UBR3: variants seen among roughly 807,000 people sequenced by gnomAD.
UBR3 encodes the protein ubiquitin protein ligase E3 component n-recognin 3.
UBR3 carries 85 observed loss-of-function variants against 243.2 expected under a neutral mutation model. The ratio of observed to expected loss-of-function variants is 0.35; its 90% CI spans 0.29 to 0.42. The LOEUF (loss-of-function observed/expected upper bound fraction) is 0.42. Among genes scored for constraint, UBR3 ranks in the 10% least tolerant of loss-of-function variants. The pLI is 1.00. For synonymous variants in UBR3, 748 were observed against 799.8 expected, an observed-to-expected ratio of 0.94 and a Z score of 1.09; for missense variants, 1,686 against 2,300.8, an observed-to-expected ratio of 0.73 and a Z score of 5.47.
chr2:169,869,056 C>T (rs368589150), intron 1 of UBR3, among the ~76,000 whole-genome samples: 25 of 151,842 alleles, frequency 1.6e-4, no homozygotes, highest in Admixed American at 8.5e-4. Context: ...ATCTCCCGTA[C>T]GTCTTGTAAA....
At position 169,951,602 on chromosome 2, in the gene UBR3, C is replaced by T. The variant is rs16857322; in HGVS notation, c.3545+1537C>T. On this transcript the variant is annotated intron_variant, in intron 23 of 38. Coordinates refer to ENST00000272793, the MANE Select transcript of UBR3 (RefSeq NM_172070.4). ...TAAGGCTAAGAAGGTAACCATGTATCGTTAACTCGCACAGGGTATAAATGG... is the reference window on the plus strand; with the variant it reads ...TAAGGCTAAGAAGGTAACCATGTATTGTTAACTCGCACAGGGTATAAATGG... 9.1e-3 allele frequency among the ~76,000 whole-genome samples: 1,389 copies of T among 152,086 alleles called. 26 individuals carry two copies. The highest frequency in any genetic ancestry group is 0.032 in the African/African-American group (1,308 of 41,486).
intron 32 of UBR3, among the ~76,000 whole-genome samples, chr2:170,044,366 T>C (rs1273880803): frequency 6.6e-6 from 1 of 152,170 alleles, no homozygotes; most frequent in African/African-American, 2.4e-5. Context: ...CTTAAATCTT[T>C]TAATGCTTAG....
intron 10 of UBR3, among the ~76,000 whole-genome samples, chr2:169,908,428 A>G (rs1051494424): frequency 6.6e-6 from 1 of 152,120 alleles, no homozygotes; most frequent in Non-Finnish European, 1.5e-5. Context: ...ACCTTGTTTA[A>G]TTTCCACTGT....
intron 1 of UBR3, among the ~76,000 whole-genome samples, chr2:169,831,135 T>A (rs1307126170): frequency 0.033 from 2,753 of 82,716 alleles, 129 homozygotes; most frequent in Non-Finnish European, 0.051. Context: ...ATATTTTTTT[T>A]TTTTTTTTTT....
chr2:169,938,680 G>A (rs147621490), intron 19 of UBR3, among the ~76,000 whole-genome samples: 274 of 152,012 alleles, frequency 1.8e-3, no homozygotes, highest in African/African-American at 6.2e-3. Flanking sequence ...TTTCCTGTTT[G>A]TTGCCTAAAT....
chr2:170,060,909 T>G (rs2091443510), intron 33 of UBR3, among the ~76,000 whole-genome samples, 170 bp from the exon 34 acceptor site: 1 of 152,186 alleles, frequency 6.6e-6, no homozygotes, highest in Admixed American at 6.5e-5. Flanking sequence ...CTACCCAGTT[T>G]CATTGTGAAT....
intron 32 of UBR3, among the ~76,000 whole-genome samples, chr2:170,051,660 A>G (rs893056808): frequency 1.3e-5 from 2 of 152,132 alleles, no homozygotes; most frequent in African/African-American, 4.8e-5. Context: ...ACTTCTTTTT[A>G]GTAAAAGAAA....
At chr2:169,983,289 C>T (rs925189242) in intron 24 of UBR3, among the ~76,000 whole-genome samples, 21 of 127,760 alleles carry the variant, frequency 1.6e-4, no homozygotes, top group Middle Eastern at 8.6e-3. Context: ...TGGAGTCTCA[C>T]TCATTCTGTC....
chr2:169,882,244 A>G (rs2083905138), intron 5 of UBR3, among the ~76,000 whole-genome samples: 1 of 134,564 alleles, frequency 7.4e-6, no homozygotes, highest in Non-Finnish European at 1.5e-5. Flanking sequence ...TTTATATTGT[A>G]TATGTATATA....
intron 24 of UBR3, among the ~76,000 whole-genome samples, chr2:169,982,041 T>C (rs951597426): frequency 6.6e-6 from 1 of 152,208 alleles, no homozygotes; most frequent in Non-Finnish European, 1.5e-5. Context: ...TTATGAATAG[T>C]AACTCACCTG....
At chr2:169,980,108 G>A (rs1234582937) in intron 24 of UBR3, among the ~76,000 whole-genome samples, 4 of 152,154 alleles carry the variant, frequency 2.6e-5, no homozygotes, top group Non-Finnish European at 5.9e-5. Flanking sequence ...TTTCCCCATG[G>A]CATCATGAGT....
chr2:169,966,410 CAAG>C (rs2087812106), intron 24 of UBR3, among the ~76,000 whole-genome samples: 1 of 152,142 alleles, frequency 6.6e-6, no homozygotes, highest in Non-Finnish European at 1.5e-5. Flanking sequence ...AGAAAAGCCT[CAAG>C]AAGGAACAAT....
intron 1 of UBR3, among the ~76,000 whole-genome samples, chr2:169,861,681 T>C (rs1368363324): frequency 6.6e-6 from 1 of 152,020 alleles, no homozygotes; most frequent in African/African-American, 2.4e-5. Context: ...TTCTTGTCAA[T>C]TTTTATGTTT....
In UBR3 at chr2:169,942,003, A is replaced by G. The variant is rs1324243229; in HGVS notation, c.2664-490A>G. 2.0e-5 allele frequency among the ~76,000 whole-genome samples: 3 copies of G among 152,234 alleles called. No individual in the cohort carries two copies. In the East Asian group the frequency reaches 5.8e-4, roughly 29 times the overall value. On this transcript the variant is annotated intron_variant, in intron 19 of 38. Coordinates refer to ENST00000272793, the MANE Select transcript of UBR3 (RefSeq NM_172070.4). ...TGTGATCTGTTTGCTCAAGGACTTTAAAACCACTGGCACAGTGTTAGTGCT... is the reference window on the plus strand; with the variant it reads ...TGTGATCTGTTTGCTCAAGGACTTTGAAACCACTGGCACAGTGTTAGTGCT...
Position 170,082,045 on chromosome 2 carries a change from A to G in UBR3, c.*202A>G, listed in dbSNP as rs1244526801. The G allele has an allele frequency of 2.1e-5, 8 of 385,702 alleles. No individual in the cohort carries two copies. Among genetic ancestry groups the G allele is most frequent in the East Asian group, 7.8e-5 (2 of 25,602 alleles). The allele number at this position is 385,702 out of a possible 1,614,324, so 23.9% of individuals were successfully genotyped here. A position where few individuals can be genotyped will look rare whatever the true frequency, so the allele number is the denominator to read the frequency against. On this transcript the variant is annotated 3_prime_UTR_variant, in exon 39 of 39. Coordinates refer to ENST00000272793, the MANE Select transcript of UBR3 (RefSeq NM_172070.4). The stretch of plus-strand genomic sequence containing the variant: ...TTTTTTTAATATCTGGAGAACATTA[A>G]TAACAAGTTAAATTATTCTTTAGTG...
chr2:169,844,067 C>T (rs2082386431), intron 1 of UBR3, among the ~76,000 whole-genome samples: 1 of 144,754 alleles, frequency 6.9e-6, no homozygotes, highest in South Asian at 2.1e-4. Flanking sequence ...AGTGCAATGG[C>T]GCGACCTCGG....
intron 24 of UBR3, chr2:169,964,245 G>A (rs2087710038): frequency 7.3e-6 from 2 of 274,822 alleles, no homozygotes; most frequent in Admixed American, 1.0e-4. Flanking sequence ...TTACTTAAGA[G>A]CAGTCCTTTT....
intron 1 of UBR3, among the ~76,000 whole-genome samples, chr2:169,857,959 G>A (rs1367904076): frequency 6.6e-6 from 1 of 152,172 alleles, no homozygotes; most frequent in Non-Finnish European, 1.5e-5. Flanking sequence ...TAGAATGAGT[G>A]TCCAGCTTTT....
chr2:169,861,179 A>G (rs2083075034), intron 1 of UBR3, among the ~76,000 whole-genome samples: 1 of 152,112 alleles, frequency 6.6e-6, no homozygotes, highest in African/African-American at 2.4e-5. Context: ...TCAAATGTTA[A>G]TCTCCTTGGG....
Sources: allele counts gnomAD v4.1 joint callset (sites outside exome capture counted in the v4.1 genomes callset), GRCh38; gene constraint gnomAD v4.1.1; transcripts MANE v1.5; gene names NCBI Gene and HGNC (gene_info 2026-07-23, HGNC 2026-07-21).